Variants in SETBP1 observed in about 807,000 individuals in gnomAD.
SETBP1 encodes the protein SET binding protein 1.
Under a neutral mutation model 101.0 loss-of-function variants are expected in SETBP1, and 9 were observed. The ratio of observed to expected loss-of-function variants is 0.09; its 90% CI spans 0.05 to 0.16. The LOEUF (loss-of-function observed/expected upper bound fraction) is 0.16. Among genes scored for constraint, SETBP1 ranks in the 10% least tolerant of loss-of-function variants. SETBP1 has a pLI of 1.00. For synonymous variants in SETBP1, 818 were observed against 788.5 expected, an observed-to-expected ratio of 1.04 and a Z score of -0.63; for missense variants, 1,858 against 2,033.8, an observed-to-expected ratio of 0.91 and a Z score of 1.66.
intron 1 of SETBP1, among the ~76,000 whole-genome samples, chr18:44,694,350 TA>T (rs1237198083): frequency 6.6e-6 from 1 of 152,166 alleles, no homozygotes; most frequent in African/African-American, 2.4e-5. Flanking sequence ...TAGCTGGGAT[TA>T]CAGGTGCATG....
intron 4 of SETBP1, among the ~76,000 whole-genome samples, chr18:45,034,563 A>G (rs1243057577): frequency 2.0e-5 from 3 of 152,214 alleles, no homozygotes; most frequent in South Asian, 2.1e-4. Context: ...ATAGAGGTCA[A>G]TAGGTTATAG....
chr18:44,840,988 G>C (rs931679065), intron 2 of SETBP1, among the ~76,000 whole-genome samples: 4 of 152,238 alleles, frequency 2.6e-5, no homozygotes, highest in Non-Finnish European at 4.4e-5. Context: ...CTGATACCTA[G>C]AGAGTTTAAG....
chr18:44,757,949 T>C (rs1444119224), intron 2 of SETBP1, among the ~76,000 whole-genome samples: 1 of 152,178 alleles, frequency 6.6e-6, no homozygotes, highest in Non-Finnish European at 1.5e-5. Context: ...TTTATGTTTG[T>C]TAGAGAGATG....
intron 4 of SETBP1, among the ~76,000 whole-genome samples, chr18:45,022,498 A>C (rs2073091199): frequency 6.6e-6 from 1 of 152,104 alleles, no homozygotes; most frequent in Non-Finnish European, 1.5e-5. Context: ...CATGGCTCTT[A>C]CACCTGAGCC....
At chr18:44,828,489 T>G (rs1351868488) in intron 2 of SETBP1, among the ~76,000 whole-genome samples, 1 of 152,260 alleles carries the variant, frequency 6.6e-6, no homozygotes, top group Non-Finnish European at 1.5e-5. Context: ...ATGAGATATT[T>G]TTTATCTATT....
chr18:44,714,524 A>G (rs533461376), intron 2 of SETBP1, among the ~76,000 whole-genome samples: 78 of 152,070 alleles, frequency 5.1e-4, no homozygotes, highest in African/African-American at 1.6e-3. Context: ...TTCTATTAAT[A>G]TCAAAACAGC....
chr18:44,833,967 T>A (rs1255584193), intron 2 of SETBP1, among the ~76,000 whole-genome samples: 1 of 152,204 alleles, frequency 6.6e-6, no homozygotes, highest in African/African-American at 2.4e-5. Context: ...AAGAAATGAT[T>A]GAAAATTTTA....
Position 44,951,263 on chromosome 18 carries a change from A to C in SETBP1, c.1923A>C (p.Lys641Asn). 6.2e-7 allele frequency: 1 copy of C among 1,613,874 alleles called. No individual in the cohort carries two copies. The highest frequency in any genetic ancestry group is 8.5e-7 in the Non-Finnish European group (1 of 1,180,020). Residue 641 changes from lysine to asparagine, a missense_variant, in exon 4 of 6, where the codon AAA (lysine) becomes AAC (asparagine). Physicochemically the swap from Lys to Asn is moderately conservative, Grantham distance 94 (BLOSUM62 0). Transcript: ENST00000649279. This position sits in a 1 kb window ranked among gnomAD's most constrained non-coding sequence, Gnocchi z 7.8. The stretch of plus-strand genomic sequence containing the variant: ...CCCAGCTAGTGCCGGGAGAGGACAA[A>C]CCCATGAGCGAGATGAAATTTCACA... Reference protein sequence around the residue: ...KLAQLVPGEDKPMSEMKFHKK... With the variant: ...KLAQLVPGEDNPMSEMKFHKK...
chr18:44,943,720 G>T (rs954470828), intron 3 of SETBP1, among the ~76,000 whole-genome samples: 1 of 152,204 alleles, frequency 6.6e-6, no homozygotes, highest in African/African-American at 2.4e-5. Flanking sequence ...TCCTGCTGAG[G>T]TCTGAGCACT....
At chr18:44,723,649 A>G (rs1351903165) in intron 2 of SETBP1, among the ~76,000 whole-genome samples, 1 of 152,188 alleles carries the variant, frequency 6.6e-6, no homozygotes, top group African/African-American at 2.4e-5. Flanking sequence ...ACAGTTTGGC[A>G]CTTCTCTCTT....
At chr18:44,697,519 T>C (rs1192006255) in intron 1 of SETBP1, among the ~76,000 whole-genome samples, 1 of 152,206 alleles carries the variant, frequency 6.6e-6, no homozygotes. Flanking sequence ...TACACGACTT[T>C]GAATAGCTGT....
intron 4 of SETBP1, among the ~76,000 whole-genome samples, chr18:44,990,925 GAGAAAAA>G (rs2072356624): frequency 9.4e-6 from 1 of 105,914 alleles, no homozygotes; most frequent in African/African-American, 3.6e-5. Flanking sequence ...ATCAGAGAGA[GAGAAAAA>G]AAAAAAAAAA....
intron 2 of SETBP1, among the ~76,000 whole-genome samples, chr18:44,762,097 C>T (rs1439641028): frequency 6.6e-6 from 1 of 152,102 alleles, no homozygotes; most frequent in African/African-American, 2.4e-5. Context: ...AGGTTTACCT[C>T]TCCCTTTGGC....
chr18:44,763,053 C>A (rs997153560), intron 2 of SETBP1, among the ~76,000 whole-genome samples: 2 of 152,150 alleles, frequency 1.3e-5, no homozygotes, highest in Admixed American at 6.5e-5. Context: ...AGCACAAAGA[C>A]AAGACAGAAA....
chr18:44,725,662 G>A (rs984193950), intron 2 of SETBP1, among the ~76,000 whole-genome samples: 7 of 152,144 alleles, frequency 4.6e-5, no homozygotes, highest in African/African-American at 1.7e-4. Flanking sequence ...ACCCACAGAA[G>A]TTAAGGGACA....
chr18:44,767,452 G>T (rs569764387), intron 2 of SETBP1, among the ~76,000 whole-genome samples: 7 of 152,254 alleles, frequency 4.6e-5, no homozygotes, highest in Admixed American at 4.6e-4. Flanking sequence ...CTGTGACTTG[G>T]GTCTTGAACT....
intron 2 of SETBP1, among the ~76,000 whole-genome samples, chr18:44,761,493 C>T (rs1429163926): frequency 6.6e-6 from 1 of 152,090 alleles, no homozygotes; most frequent in Non-Finnish European, 1.5e-5. Context: ...CAAAGCTTGC[C>T]CAGGGTCATA....
At chr18:45,017,781 T>C (rs1172464769) in intron 4 of SETBP1, among the ~76,000 whole-genome samples, 1 of 152,262 alleles carries the variant, frequency 6.6e-6, no homozygotes, top group Non-Finnish European at 1.5e-5. Context: ...AATCACACAT[T>C]GCTCTGCAGG....
At chr18:44,955,200 G>A (rs1303148923) in intron 4 of SETBP1, among the ~76,000 whole-genome samples, 4 of 152,152 alleles carry the variant, frequency 2.6e-5, no homozygotes, top group Admixed American at 6.5e-5. Flanking sequence ...CAGTCACTGT[G>A]TGCCCCCACT....
Sources: allele counts gnomAD v4.1 joint callset (sites outside exome capture counted in the v4.1 genomes callset), GRCh38; gene constraint gnomAD v4.1.1; non-coding constraint Gnocchi (gnomAD v3.1); transcripts MANE v1.5; gene names NCBI Gene and HGNC (gene_info 2026-07-23, HGNC 2026-07-21).